PECR: variants seen among roughly 807,000 people sequenced by gnomAD.
PECR encodes peroxisomal trans-2-enoyl-CoA reductase.
PECR carries 30 observed loss-of-function variants against 35.3 expected under a neutral mutation model. That is an observed-to-expected ratio of 0.85 (90% CI 0.64 to 1.15). The LOEUF (loss-of-function observed/expected upper bound fraction) is 1.15, where lower values mean the gene tolerates loss of function less well. PECR is among the 50% of genes most tolerant of loss of function. PECR has a pLI of 0.00. For missense variants in PECR, 392 were observed against 370.8 expected (o/e 1.06, Z -0.47); for synonymous variants, 148 against 138.9 (o/e 1.07, Z -0.46).
chr2:216,049,626 G>C (rs1428231907), intron 5 of PECR, among the ~76,000 whole-genome samples: 1 of 152,112 alleles, frequency 6.6e-6, no homozygotes, highest in Non-Finnish European at 1.5e-5. Flanking sequence ...TTTCATGAAA[G>C]ACTTGTTTTC....
chr2:216,066,522 A>C lies in PECR; in HGVS notation c.125-4T>G. The C allele has an allele frequency of 6.2e-7, 1 of 1,613,772 alleles. No individual in the cohort carries two copies. The highest frequency in any genetic ancestry group is 8.5e-7 in the Non-Finnish European group (1 of 1,179,702). ...GATGCAATGACCACATTACTCCCTGAGGAGAAACAGCCAGAGAACAAATAA... is the reference window on the plus strand; with the variant it reads ...GATGCAATGACCACATTACTCCCTGCGGAGAAACAGCCAGAGAACAAATAA... On this transcript the variant is annotated splice_region_variant and splice_polypyrimidine_tract_variant and intron_variant, in intron 1 of 7. Coordinates refer to ENST00000265322, the MANE Select transcript of PECR (RefSeq NM_018441.6).
chr2:216,041,282 G>T (rs1219503300), intron 7 of PECR, among the ~76,000 whole-genome samples: 1 of 152,178 alleles, frequency 6.6e-6, no homozygotes, highest in African/African-American at 2.4e-5. Flanking sequence ...AGTGCAACCT[G>T]CGATAAGAAA....
rs777419337 is a variant in PECR at position 216,031,669 on chromosome 2, AAG to A, written c.*440+7520_*440+7521del. ...AAGAAAAGAAAGAAAGAAAGAAAGA[AAG>A]AAAGAAAGAAAGAAAGAAAGAGAAA... On this transcript the variant is annotated intron_variant and NMD_transcript_variant, in intron 7 of 7. Transcript: ENST00000442122. Among the ~76,000 whole-genome samples, 313 of 81,412 alleles carry A rather than the reference AAG, an allele frequency of 3.8e-3. 1 individual carries two copies. The highest frequency in any genetic ancestry group is 5.7e-3 in the South Asian group (15 of 2,650). 53.4% of individuals were successfully genotyped at this position (81,412 alleles called of 152,430 possible).
rs374436429 is a variant in PECR at position 216,058,939 on chromosome 2, G to A, written c.462C>T (p.Ile154=). The A allele has an allele frequency of 1.3e-5, 21 of 1,609,304 alleles. No individual in the cohort carries two copies. The highest frequency in any genetic ancestry group is 5.3e-5 in the African/African-American group (4 of 74,890). The change falls in exon 4 of 8, where the codon ATC becomes ATT. Residue 154 remains isoleucine (I), a synonymous_variant. Coordinates refer to ENST00000265322, the MANE Select transcript of PECR (RefSeq NM_018441.6). ...CTTTAGTAGGGACAATGATATTGAC[G>A]ATAGATCCTCCATGCTCTTTCATCC... ...SSWMKEHGGS[I]VNIIVPTKAG... is the part of the protein sequence containing the mutation.
rs144593500 is a variant in PECR at position 216,074,071 on chromosome 2, T to C, written c.124+7547A>G. On this transcript the variant is annotated intron_variant, in intron 1 of 7. Transcript: ENST00000265322. The stretch of plus-strand genomic sequence containing the variant: ...CCACTTCCTCCACCCACTTCTTTCT[T>C]TGATATTTCTGCCTTCAACATACAC... Among the ~76,000 whole-genome samples the C allele has an allele frequency of 6.9e-3, 1,050 of 152,340 alleles. 7 individuals carry two copies. The highest frequency in any genetic ancestry group is 0.01 in the Non-Finnish European group (690 of 68,032).
chr2:216,046,317 T>A (rs1316399235), intron 6 of PECR, among the ~76,000 whole-genome samples: 24 of 137,736 alleles, frequency 1.7e-4, no homozygotes, highest in African/African-American at 6.3e-4. Flanking sequence ...TATATTTTTT[T>A]TTTTTTTTTT....
downstream of PECR, among the ~76,000 whole-genome samples, chr2:216,034,988 C>G (rs748410618): frequency 9.2e-5 from 14 of 152,196 alleles, no homozygotes; most frequent in Non-Finnish European, 1.5e-4. Context: ...ACTGCCCCTG[C>G]ATGTCCAACC....
chr2:216,075,130 A>T (rs1352994974), intron 1 of PECR, among the ~76,000 whole-genome samples: 1 of 152,120 alleles, frequency 6.6e-6, no homozygotes, highest in Admixed American at 6.6e-5. Context: ...ATTGCCAAAC[A>T]TTGTGGCACA....
chr2:216,051,800 A>C (rs1320102079), intron 4 of PECR, among the ~76,000 whole-genome samples: 1 of 152,228 alleles, frequency 6.6e-6, no homozygotes, highest in Non-Finnish European at 1.5e-5. Flanking sequence ...TCACTACGTA[A>C]GAGGAATACT....
At chr2:216,036,765 T>G (rs145526842), downstream of PECR, among the ~76,000 whole-genome samples, 490 of 152,310 alleles carry the variant, frequency 3.2e-3, 4 homozygotes, top group African/African-American at 0.011. Flanking sequence ...TTCATGGGCC[T>G]GGTACCCAAT....
chr2:216,058,116 GATC>G (rs1287774033), intron 4 of PECR, among the ~76,000 whole-genome samples: 2 of 152,122 alleles, frequency 1.3e-5, no homozygotes, highest in Non-Finnish European at 2.9e-5. Flanking sequence ...CAGGTACCAG[GATC>G]CCCTCCAGGG....
At chr2:216,042,918 GACTA>G (rs1460257881) in intron 7 of PECR, among the ~76,000 whole-genome samples, 10 of 143,208 alleles carry the variant, frequency 7.0e-5, no homozygotes, top group East Asian at 6.2e-4. Flanking sequence ...CACCACACCC[GACTA>G]ACTGTTATAT....
At chr2:216,071,910 ATAAT>A (rs1317612463) in intron 1 of PECR, among the ~76,000 whole-genome samples, 2 of 152,210 alleles carry the variant, frequency 1.3e-5, no homozygotes, top group African/African-American at 2.4e-5. Context: ...AGGTCATGAA[ATAAT>A]TGTACTTTTT....
intron 5 of PECR, chr2:216,050,886 G>A (rs1329359367): frequency 6.8e-6 from 1 of 146,180 alleles, no homozygotes; most frequent in Non-Finnish European, 1.5e-5. Context: ...GGGCAACAGA[G>A]CAAGACTCCT....
chr2:216,042,764 T>C (rs1694909164), intron 7 of PECR, among the ~76,000 whole-genome samples: 1 of 151,372 alleles, frequency 6.6e-6, no homozygotes, highest in South Asian at 2.1e-4. Flanking sequence ...AAACTTCTGG[T>C]TTTTTTTCTT....
At chr2:216,056,864 C>A (rs183690125) in intron 4 of PECR, among the ~76,000 whole-genome samples, 1 of 151,908 alleles carries the variant, frequency 6.6e-6, no homozygotes, top group Admixed American at 6.6e-5. Flanking sequence ...AAATTTCTTA[C>A]TATGAGTCAT....
In PECR at chr2:216,065,194, TGTAA is replaced by T. The variant is rs771549080; in HGVS notation, c.424+114_424+117del. On this transcript the variant is annotated intron_variant, in intron 3 of 7. Coordinates refer to ENST00000265322, the MANE Select transcript of PECR (RefSeq NM_018441.6). ...AATGTACCAATTTACATTCCTATGT[TGTAA>T]GTGAGAAAATCCAGCCAATAAATGT... is the stretch of plus-strand genomic sequence containing the variant. 828 of 792,606 alleles carry T rather than the reference TGTAA, an allele frequency of 1.0e-3. 1 individual carries two copies. The highest frequency in any genetic ancestry group is 6.8e-4 in the Non-Finnish European group (296 of 434,746). The allele number at this position is 792,606 out of a possible 1,614,324, so 49.1% of individuals were successfully genotyped here.
chr2:216,036,556 C>A (rs752996249), downstream of PECR, among the ~76,000 whole-genome samples: 1 of 152,232 alleles, frequency 6.6e-6, no homozygotes, highest in Non-Finnish European at 1.5e-5. Flanking sequence ...ACATGACCCA[C>A]TGAGCGCCTG....
intron 6 of PECR, among the ~76,000 whole-genome samples, chr2:216,046,310 A>ATATATATATTT (rs1553560626): frequency 4.1e-5 from 4 of 96,964 alleles, no homozygotes; most frequent in Admixed American, 2.4e-4. Context: ...ATATATATAT[A>ATATATATATTT]TTTTTTTTTT....
Sources: gnomAD v4.1 joint callset for allele counts (sites outside exome capture counted in the v4.1 genomes callset) on GRCh38, gnomAD v4.1.1 for gene constraint, MANE v1.5 for transcripts, NCBI Gene and HGNC (gene_info 2026-07-23, HGNC 2026-07-21) for gene names.